Variants in PGM2L1 observed in about 807,000 individuals in gnomAD.
PGM2L1 encodes the protein phosphoglucomutase 2 like 1.
A neutral mutation model predicts 73.4 loss-of-function variants in PGM2L1; 35 were observed. The observed-to-expected ratio is 0.48, with a 90% confidence interval of 0.36 to 0.63. PGM2L1 has a LOEUF of 0.63. Ranked by LOEUF, PGM2L1 falls within the 30% of genes least tolerant of loss-of-function variation. The pLI, the probability that PGM2L1 is intolerant of heterozygous loss-of-function variation, is 0.00. For missense variants in PGM2L1, 570 were observed against 742.0 expected (o/e 0.77, Z 2.69); for synonymous variants, 225 against 253.8 (o/e 0.89, Z 1.08).
chr11:74,387,052 G>A (rs1358067577), intron 1 of PGM2L1, among the ~76,000 whole-genome samples: 1 of 152,138 alleles, frequency 6.6e-6, no homozygotes, highest in Admixed American at 6.6e-5. Context: ...ATTTGCTAGT[G>A]AGTCTTATGG....
At chr11:74,371,380 C>T (rs1174920594) in intron 3 of PGM2L1, among the ~76,000 whole-genome samples, 1 of 152,088 alleles carries the variant, frequency 6.6e-6, no homozygotes, top group African/African-American at 2.4e-5. Flanking sequence ...TATAAAAACA[C>T]CCTAAAACTA....
intron 1 of PGM2L1, among the ~76,000 whole-genome samples, chr11:74,378,632 C>T (rs1862892530): frequency 6.6e-6 from 1 of 152,140 alleles, no homozygotes; most frequent in African/African-American, 2.4e-5. Flanking sequence ...AGGTTCTAAT[C>T]CTATGGTTTG....
chr11:74,395,384 T>C (rs1863156776), intron 1 of PGM2L1, among the ~76,000 whole-genome samples: 1 of 152,042 alleles, frequency 6.6e-6, no homozygotes, highest in African/African-American at 2.4e-5. Flanking sequence ...TCATTATTTT[T>C]ATTTTGTTTT....
chr11:74,379,211 C>T lies in PGM2L1; in HGVS notation c.112-4629G>A, dbSNP rs543809292. ...ATCGCAGAAGGGAAGGATAGCCAGC[C>T]TATCACATGGTGAAGGAGGGAACAA... On this transcript the variant is annotated intron_variant, in intron 1 of 13. Coordinates refer to ENST00000298198, the MANE Select transcript of PGM2L1 (RefSeq NM_173582.6). Among the ~76,000 whole-genome samples the T allele has an allele frequency of 1.5e-4, 23 of 152,266 alleles. No homozygotes were observed. In the South Asian group the frequency reaches 3.9e-3, roughly 26 times the overall value.
intron 1 of PGM2L1, 109 bp from the exon 2 acceptor site, chr11:74,374,691 A>G: frequency 1.1e-6 from 1 of 924,684 alleles, no homozygotes; most frequent in Non-Finnish European, 1.6e-6. Context: ...CATTCAATAT[A>G]AATTCCACAG....
chr11:74,347,300 T>C lies in PGM2L1; in HGVS notation c.787A>G (p.Thr263Ala). ...TCATGTCCGACCCCATGAAAAGATGTGTGCACAAATTTCAAGGTGGTCTTC... is the reference window on the plus strand; with the variant it reads ...TCATGTCCGACCCCATGAAAAGATGCGTGCACAAATTTCAAGGTGGTCTTC... The part of the protein sequence containing the change: ...NSKTTLKFVH[T>A]SFHGVGHDYV... Residue 263 changes from threonine to alanine, a missense_variant, in exon 7 of 14, where the codon ACA (threonine) becomes GCA (alanine). Physicochemically the swap from Thr to Ala is moderately conservative, Grantham distance 58. Transcript: ENST00000298198. 6.2e-7 allele frequency: 1 copy of C among 1,604,370 alleles called. No individual in the cohort carries two copies.
At chr11:74,374,039 T>C (rs923991217) in intron 2 of PGM2L1, among the ~76,000 whole-genome samples, 2 of 108,682 alleles carry the variant, frequency 1.8e-5, no homozygotes, top group Non-Finnish European at 3.6e-5. Flanking sequence ...TGGCACTACC[T>C]AATTTATAAA....
At chr11:74,356,341 T>A (rs1862454890) in intron 5 of PGM2L1, among the ~76,000 whole-genome samples, 1 of 152,202 alleles carries the variant, frequency 6.6e-6, no homozygotes, top group African/African-American at 2.4e-5. Context: ...GCAATGTATC[T>A]AAATTGAATA....
intron 4 of PGM2L1, 97 bp from the exon 5 acceptor site, chr11:74,368,672 T>C (rs1274463634): frequency 3.3e-6 from 3 of 919,928 alleles, no homozygotes; most frequent in Non-Finnish European, 5.1e-6. Context: ...AAAAGCATTA[T>C]AGTATGATAT....
chr11:74,342,985 T>C lies in PGM2L1; in HGVS notation c.1342A>G (p.Lys448Glu). The C allele has an allele frequency of 6.2e-7, 1 of 1,606,600 alleles. No individual in the cohort carries two copies. The highest frequency in any genetic ancestry group is 2.2e-5 in the East Asian group (1 of 44,690). The change falls in exon 11 of 14, where the codon AAA (lysine) becomes GAA (glutamate). Residue 448 changes from lysine (K) to glutamate (E), a missense_variant. By Grantham distance (56) the Lys-to-Glu change is moderately conservative. Coordinates refer to ENST00000298198, the MANE Select transcript of PGM2L1 (RefSeq NM_173582.6). ...ACAACAGCTGCACTCACCCCATCTT[T>C]ATCCAAAACTGAAGTTCCACAGAGA... ...GFLCGTSVLDKDGVSAAVVVA... is the reference protein window; with the variant it reads ...GFLCGTSVLDEDGVSAAVVVA...
At chr11:74,379,578 G>T (rs1047539912) in intron 1 of PGM2L1, among the ~76,000 whole-genome samples, 1 of 151,924 alleles carries the variant, frequency 6.6e-6, no homozygotes, top group South Asian at 2.1e-4. Context: ...AACATGAATC[G>T]TATTGTTTAG....
intron 5 of PGM2L1, 141 bp from the exon 6 acceptor site, chr11:74,351,717 C>G: frequency 1.5e-6 from 1 of 659,428 alleles, no homozygotes. Context: ...AATCTCAGCA[C>G]TTTGGGAGGC....
Position 74,334,688 on chromosome 11 carries a change from G to A in PGM2L1, c.*1964C>T, listed in dbSNP as rs1371818842. 3.3e-5 allele frequency: 5 copies of A among 152,152 alleles called. No homozygotes were observed. Among genetic ancestry groups the A allele is most frequent in the East Asian group, 3.9e-4 (2 of 5,194 alleles). The allele number at this position is 152,152 out of a possible 1,614,324, so 9.4% of individuals were successfully genotyped here. A position where few individuals can be genotyped will look rare whatever the true frequency, so the allele number is the denominator to read the frequency against. On this transcript the variant is annotated 3_prime_UTR_variant, in exon 14 of 14. Transcript: ENST00000298198. The stretch of plus-strand genomic sequence containing the variant: ...ATGTTAGCTGACAGCTGCAACAAAC[G>A]AAACCATGATTTAAGGAACATTCTA...
At chr11:74,341,385 C>G (rs1252249948) in intron 12 of PGM2L1, among the ~76,000 whole-genome samples, 1 of 152,108 alleles carries the variant, frequency 6.6e-6, no homozygotes, top group African/African-American at 2.4e-5. Flanking sequence ...AATGAATCAA[C>G]AGAGTAAAGT....
chr11:74,337,702 TAAAC>T (rs919269860), intron 13 of PGM2L1, among the ~76,000 whole-genome samples: 4 of 152,198 alleles, frequency 2.6e-5, no homozygotes, highest in African/African-American at 9.6e-5. Flanking sequence ...TATTTGGCAA[TAAAC>T]AAATTATTTG....
At chr11:74,348,413 A>T (rs951258983) in intron 6 of PGM2L1, among the ~76,000 whole-genome samples, 10 of 152,234 alleles carry the variant, frequency 6.6e-5, no homozygotes, top group African/African-American at 2.4e-4. Context: ...CCATTACCTC[A>T]CTTCAATATG....
chr11:74,387,937 T>C, intron 1 of PGM2L1, among the ~76,000 whole-genome samples: 1 of 152,200 alleles, frequency 6.6e-6, no homozygotes, highest in East Asian at 1.9e-4. Context: ...TTCCAGACCT[T>C]TACTACACAT....
At chr11:74,371,957 G>C (rs2134930729) in intron 2 of PGM2L1, 140 bp from the exon 3 acceptor site, 1 of 668,718 alleles carries the variant, frequency 1.5e-6, no homozygotes, top group East Asian at 2.7e-5. Flanking sequence ...ATGTTTACCA[G>C]TGTGGGAGCA....
chr11:74,358,505 C>T (rs116495275), intron 5 of PGM2L1, among the ~76,000 whole-genome samples: 260 of 152,174 alleles, frequency 1.7e-3, no homozygotes, highest in African/African-American at 5.1e-3. Flanking sequence ...GGATAAAGGC[C>T]GTCATATGTT....
Sources: gnomAD v4.1 joint callset for allele counts (sites outside exome capture counted in the v4.1 genomes callset) on GRCh38, gnomAD v4.1.1 for gene constraint, MANE v1.5 for transcripts, NCBI Gene and HGNC (gene_info 2026-07-23, HGNC 2026-07-21) for gene names.